Variants in LRBA observed in about 807,000 individuals in gnomAD.
LRBA encodes the protein lipopolysaccharide-responsive and beige-like anchor protein.
In LRBA, 176 loss-of-function variants were observed where a neutral mutation model predicts 330.0. The observed-to-expected ratio is 0.53, with a 90% confidence interval of 0.47 to 0.60. LRBA has a LOEUF of 0.60. Among genes scored for constraint, LRBA ranks in the 20% least tolerant of loss-of-function variants. The probability of loss-of-function intolerance (pLI) is 0.00; values close to 1 mark genes in which losing one functional copy is unlikely to be tolerated. For missense variants in LRBA, 3,259 were observed against 3,444.8 expected, an observed-to-expected ratio of 0.95 and a Z score of 1.35; for synonymous variants, 1,230 against 1,193.0, an observed-to-expected ratio of 1.03 and a Z score of -0.64.
chr4:150,555,404 A>C (rs1433998147), intron 40 of LRBA, among the ~76,000 whole-genome samples: 4 of 152,214 alleles, frequency 2.6e-5, no homozygotes, highest in Non-Finnish European at 4.4e-5. Flanking sequence ...TATATTCATA[A>C]ACGACACTAC....
intron 46 of LRBA, among the ~76,000 whole-genome samples, chr4:150,428,321 T>C (rs1749912664): frequency 6.6e-6 from 1 of 152,022 alleles, no homozygotes; most frequent in South Asian, 2.1e-4. Context: ...AAATCCAAGA[T>C]ATGACCAGTG....
intron 36 of LRBA, among the ~76,000 whole-genome samples, chr4:150,697,340 A>AC (rs1784732393): frequency 6.7e-6 from 1 of 148,734 alleles, no homozygotes; most frequent in African/African-American, 2.5e-5. Context: ...AAAAAAAAAA[A>AC]AAAAAAAAAA....
At chr4:150,525,478 C>T (rs72957852) in intron 40 of LRBA, among the ~76,000 whole-genome samples, 10,230 of 152,172 alleles carry the variant, frequency 0.067, 563 homozygotes, top group East Asian at 0.18. Flanking sequence ...AGATAAACGG[C>T]CTACCTGCCT....
intron 55 of LRBA, among the ~76,000 whole-genome samples, chr4:150,279,066 C>G (rs1747172395): frequency 6.6e-6 from 1 of 152,160 alleles, no homozygotes; most frequent in Non-Finnish European, 1.5e-5. Context: ...CTCAAGTGAT[C>G]CACCCGCTCG....
chr4:150,481,743 T>A lies in LRBA; in HGVS notation c.6551+5989A>T, dbSNP rs528961792. On this transcript the variant is annotated intron_variant, in intron 42 of 56. Transcript: ENST00000651943. ...TTTGAAATTCATCCATGTTGTTGCA[T>A]GTACCAGTAGTCATTTCCCTTTTAT... Among the ~76,000 whole-genome samples the A allele has an allele frequency of 1.7e-3, 253 of 152,304 alleles. 2 individuals are homozygous for A. The highest frequency in any genetic ancestry group is 6.0e-3 in the African/African-American group (250 of 41,576).
chr4:150,709,969 T>C (rs745850635), intron 36 of LRBA, among the ~76,000 whole-genome samples: 14 of 151,898 alleles, frequency 9.2e-5, no homozygotes, highest in East Asian at 1.9e-4. Context: ...ATATTAAGGA[T>C]TGTAGGTTTA....
chr4:150,332,381 G>GT (rs1165929704), intron 48 of LRBA, among the ~76,000 whole-genome samples: 2 of 151,942 alleles, frequency 1.3e-5, no homozygotes, highest in Admixed American at 1.3e-4. Context: ...TTTTGCTCTT[G>GT]TAGCAACATG....
Position 150,669,777 on chromosome 4 carries a change from G to A in LRBA, c.5921+13774C>T, listed in dbSNP as rs559488265. Among the ~76,000 whole-genome samples the A allele has an allele frequency of 3.3e-5, 5 of 152,224 alleles. No homozygotes were observed. The East Asian group carries it at 9.7e-4, about 29-fold the overall frequency. On this transcript the variant is annotated intron_variant, in intron 37 of 56. Coordinates refer to ENST00000651943, the MANE Select transcript of LRBA (RefSeq NM_001364905.1). ...TACAGGGTTTCACCAAGTTGGCCAA[G>A]CTGGTATCGAACTCCTGACCTCAGG...
chr4:150,671,000 A>ATGTGTGTGTGTGTGTG (rs57937053), intron 37 of LRBA, among the ~76,000 whole-genome samples: 35 of 106,888 alleles, frequency 3.3e-4, no homozygotes, highest in African/African-American at 4.6e-4. Flanking sequence ...AACATAGCTG[A>ATGTGTGTGTGTGTGTG]TGTGTGTGTG....
At chr4:150,454,757 C>T (rs1753831125) in intron 44 of LRBA, among the ~76,000 whole-genome samples, 1 of 151,934 alleles carries the variant, frequency 6.6e-6, no homozygotes, top group South Asian at 2.1e-4. Context: ...TCTAAGTCTC[C>T]AATGTCCGTT....
At chr4:150,618,871 TACACACATAC>T (rs1388299664) in intron 37 of LRBA, among the ~76,000 whole-genome samples, 1 of 130,822 alleles carries the variant, frequency 7.6e-6, no homozygotes, top group Non-Finnish European at 1.7e-5. Context: ...TATATATATA[TACACACATAC>T]ACACACATAT....
rs531285271 is a variant in LRBA, at chr4:150,743,164, T to C, written c.5646-7798A>G. ...TTTGTATTTTTAGTAGAGGTGGGGT[T>C]TCACCATGTTGGCCAGGCTGGTCTT... On this transcript the variant is annotated intron_variant, in intron 35 of 56. Transcript: ENST00000651943. 5.3e-5 allele frequency among the ~76,000 whole-genome samples: 8 copies of C among 152,204 alleles called. No individual in the cohort carries two copies. In the South Asian group the frequency reaches 1.2e-3, roughly 24 times the overall value.
intron 46 of LRBA, among the ~76,000 whole-genome samples, chr4:150,432,801 A>T (rs1312146064): frequency 6.6e-6 from 1 of 152,106 alleles, no homozygotes; most frequent in Non-Finnish European, 1.5e-5. Flanking sequence ...AATAAACAGG[A>T]TCAAAACAAC....
chr4:150,346,757 C>CAA lies in LRBA; in HGVS notation c.7362+3233_7362+3234dup, dbSNP rs57119340. Among the ~76,000 whole-genome samples the CAA allele has an allele frequency of 3.8e-3, 251 of 66,138 alleles. 21 individuals are homozygous for CAA. Among genetic ancestry groups the CAA allele is most frequent in the African/African-American group, 0.01 (133 of 12,892 alleles). 43.4% of individuals were successfully genotyped at this position (66,138 alleles called of 152,430 possible). ...CTGGCAACAATGTGAGACTCTGTCT[C>CAA]AAAAAAAAAAAAAAAAAAAAAAAAA... On this transcript the variant is annotated intron_variant, in intron 48 of 56. Coordinates refer to ENST00000651943, the MANE Select transcript of LRBA (RefSeq NM_001364905.1).
intron 40 of LRBA, among the ~76,000 whole-genome samples, chr4:150,567,041 A>G (rs1769224748): frequency 6.6e-6 from 1 of 152,138 alleles, no homozygotes; most frequent in Non-Finnish European, 1.5e-5. Context: ...GGATATAACT[A>G]CCAATCACTT....
At chr4:150,932,231 C>CA (rs1036050965) in intron 2 of LRBA, among the ~76,000 whole-genome samples, 18 of 147,664 alleles carry the variant, frequency 1.2e-4, no homozygotes, top group East Asian at 1.2e-3. Context: ...ACTCTATATG[C>CA]AAAAAAAAAT....
chr4:150,941,189 A>T (rs1452047984), intron 2 of LRBA, among the ~76,000 whole-genome samples: 1 of 152,072 alleles, frequency 6.6e-6, no homozygotes, highest in Non-Finnish European at 1.5e-5. Context: ...ATGGAGTCTC[A>T]CTCTGCTGCC....
At position 150,774,895 on chromosome 4, in the gene LRBA, T is replaced by C. The variant is rs891680797; in HGVS notation, c.5581-13048A>G. Among the ~76,000 whole-genome samples, 9 of 152,322 alleles carry C rather than the reference T, an allele frequency of 5.9e-5. No individual in the cohort carries two copies. The East Asian group carries it at 1.5e-3, about 26-fold the overall frequency. ...ACTTGATCTAGAACTTTTCTGCGTA[T>C]ACAGGTAAAATAAAAAAATTAATAG... On this transcript the variant is annotated intron_variant, in intron 34 of 56. Coordinates refer to ENST00000651943, the MANE Select transcript of LRBA (RefSeq NM_001364905.1).
chr4:150,437,392 CA>C (rs1177539777), intron 44 of LRBA, among the ~76,000 whole-genome samples: 2 of 150,582 alleles, frequency 1.3e-5, no homozygotes, highest in Non-Finnish European at 3.0e-5. Flanking sequence ...TGAGTGAAAA[CA>C]AAGGATAAAA....
Sources: allele counts gnomAD v4.1 joint callset (sites outside exome capture counted in the v4.1 genomes callset), GRCh38; gene constraint gnomAD v4.1.1; transcripts MANE v1.5; gene names NCBI Gene and HGNC (gene_info 2026-07-23, HGNC 2026-07-21).